STK32B: variants seen among roughly 807,000 people sequenced by gnomAD.
The protein encoded by STK32B is serine/threonine-protein kinase 32B.
STK32B carries 43 observed loss-of-function variants against 52.6 expected under a neutral mutation model. That is an observed-to-expected ratio of 0.82 (90% confidence interval 0.64 to 1.05). The LOEUF is 1.05. Among genes scored for constraint, STK32B ranks in the 50% least tolerant of loss-of-function variants. The pLI is 0.00. For missense variants in STK32B, 621 were observed against 534.6 expected (o/e 1.16, Z -1.59); for synonymous variants, 238 against 204.3 (o/e 1.17, Z -1.41).
intron 3 of STK32B, among the ~76,000 whole-genome samples, chr4:5,292,580 T>C (rs1728956134): frequency 1.3e-5 from 2 of 152,030 alleles, no homozygotes; most frequent in South Asian, 4.2e-4. Flanking sequence ...TTTTCTCCCA[T>C]TTTGTACATT....
chr4:5,178,471 A>G (rs894831060), intron 3 of STK32B, among the ~76,000 whole-genome samples: 7 of 151,774 alleles, frequency 4.6e-5, no homozygotes, highest in Admixed American at 1.3e-4. Context: ...CATTTTCCCC[A>G]TTGTCTTGGT....
At chr4:5,070,647 G>A (rs993136416) in intron 1 of STK32B, among the ~76,000 whole-genome samples, 4 of 152,164 alleles carry the variant, frequency 2.6e-5, no homozygotes, top group African/African-American at 7.2e-5. Flanking sequence ...TGGTGTCCTT[G>A]TGAAGAGGTG....
intron 3 of STK32B, among the ~76,000 whole-genome samples, chr4:5,182,920 T>G (rs529532462): frequency 6.6e-6 from 1 of 152,218 alleles, no homozygotes; most frequent in Non-Finnish European, 1.5e-5. Context: ...CAACAAGCAG[T>G]AATATTTTGA....
intron 3 of STK32B, among the ~76,000 whole-genome samples, chr4:5,300,611 T>A (rs1729492705): frequency 6.6e-6 from 1 of 152,178 alleles, no homozygotes; most frequent in Non-Finnish European, 1.5e-5. Context: ...AATGTAAATG[T>A]ACAAAAATCA....
At chr4:5,426,312 C>G (rs1219910658) in intron 6 of STK32B, among the ~76,000 whole-genome samples, 3 of 152,128 alleles carry the variant, frequency 2.0e-5, no homozygotes, top group Non-Finnish European at 4.4e-5. Context: ...TTGCAAATCC[C>G]TGGTAACTAA....
In STK32B at chr4:5,323,996, G is replaced by A. The variant is rs1043853043; in HGVS notation, c.261-7224G>A. On this transcript the variant is annotated intron_variant, in intron 3 of 11. Coordinates refer to ENST00000282908, the MANE Select transcript of STK32B (RefSeq NM_018401.3). ...CTGAACCTCATGGTCTTGAGCTATC[G>A]AAGGCAGTTTGTAATAACTCCTATC... 5.3e-5 allele frequency among the ~76,000 whole-genome samples: 8 copies of A among 152,162 alleles called. No homozygotes were observed. In the East Asian group the frequency reaches 1.2e-3, roughly 22 times the overall value.
intron 7 of STK32B, 62 bp downstream of exon 7, chr4:5,446,838 T>G (rs17464347): frequency 0.035 from 54,851 of 1,555,452 alleles, 1,216 homozygotes; most frequent in South Asian, 0.076. Context: ...ACGTTGTACC[T>G]GGACGGGCAG....
At chr4:5,139,445 T>C (rs1716271768) in intron 1 of STK32B, 1 of 163,946 alleles carries the variant, frequency 6.1e-6, no homozygotes, top group African/African-American at 2.4e-5. Context: ...ACAAAAGGCT[T>C]GACAGACTCT....
chr4:5,141,560 A>G (rs1716455176), intron 2 of STK32B, among the ~76,000 whole-genome samples: 1 of 152,158 alleles, frequency 6.6e-6, no homozygotes, highest in Non-Finnish European at 1.5e-5. Flanking sequence ...ATCTGTTTGT[A>G]GAAGTTCATA....
At chr4:5,083,740 A>AT (rs34158437) in intron 1 of STK32B, among the ~76,000 whole-genome samples, 54,456 of 144,182 alleles carry the variant, frequency 0.38, 10,958 homozygotes, top group Non-Finnish European at 0.47. Flanking sequence ...TCTGTTACCT[A>AT]TTTTTTTTTT....
At chr4:5,051,139 A>G (rs554887460), upstream of STK32B, among the ~76,000 whole-genome samples, 16 of 152,268 alleles carry the variant, frequency 1.1e-4, no homozygotes, top group South Asian at 2.9e-3. Flanking sequence ...GCTAGCGGGG[A>G]GTCCTGGGAC....
intron 2 of STK32B, among the ~76,000 whole-genome samples, chr4:5,151,644 C>G (rs1052790271): frequency 6.6e-6 from 1 of 152,170 alleles, no homozygotes; most frequent in Non-Finnish European, 1.5e-5. Flanking sequence ...TGACTAAATT[C>G]TGGGACAGTT....
chr4:5,219,676 T>C (rs1723401665), intron 3 of STK32B, among the ~76,000 whole-genome samples: 1 of 152,208 alleles, frequency 6.6e-6, no homozygotes, highest in African/African-American at 2.4e-5. Flanking sequence ...AAGTCCCTGT[T>C]AGGGCTGGAC....
chr4:5,299,592 T>G (rs1444967648), intron 3 of STK32B, among the ~76,000 whole-genome samples: 2 of 152,206 alleles, frequency 1.3e-5, no homozygotes, highest in African/African-American at 4.8e-5. Context: ...GTGGCTTTAT[T>G]TCTGATTTCC....
intron 3 of STK32B, among the ~76,000 whole-genome samples, chr4:5,169,194 C>T (rs1441939029): frequency 6.6e-6 from 1 of 152,108 alleles, no homozygotes; most frequent in East Asian, 1.9e-4. Flanking sequence ...TGACCTAATG[C>T]CATCTTTATC....
chr4:5,416,899 G>C lies in STK32B; in HGVS notation c.527G>C (p.Arg176Thr). 6.2e-7 allele frequency: 1 copy of C among 1,613,840 alleles called. No individual in the cohort carries two copies. Among genetic ancestry groups the C allele is most frequent in the Non-Finnish European group, 8.5e-7 (1 of 1,179,912 alleles). The change falls in exon 6 of 12, where the codon AGG becomes ACG. Residue 176 changes from arginine (R) to threonine (T), a missense_variant. Transcript: ENST00000282908. ...GCGACGGTAGTGAAAGGAGCAGAAA[G>C]GGCTTCCTCCATGGCTGGCACCAAG... Reference protein sequence around the residue: ...NIATVVKGAERASSMAGTKPY... With the variant: ...NIATVVKGAETASSMAGTKPY...
chr4:5,056,227 A>G (rs1285834443), intron 1 of STK32B, among the ~76,000 whole-genome samples: 1 of 152,152 alleles, frequency 6.6e-6, no homozygotes, highest in Non-Finnish European at 1.5e-5. Flanking sequence ...TCATCCTGAA[A>G]CTATCCTCCC....
Position 5,245,614 on chromosome 4 carries a change from T to G in STK32B, c.260+77164T>G, listed in dbSNP as rs574065391. On this transcript the variant is annotated intron_variant, in intron 3 of 11. Coordinates refer to ENST00000282908, the MANE Select transcript of STK32B (RefSeq NM_018401.3). ...TTATGTGTGAATTTGATCCTGTCATTATGATGTTAGCTGGTTATTTTGCTC... is the reference window on the plus strand; with the variant it reads ...TTATGTGTGAATTTGATCCTGTCATGATGATGTTAGCTGGTTATTTTGCTC... 1.2e-3 allele frequency among the ~76,000 whole-genome samples: 185 copies of G among 152,260 alleles called. 1 individual carries two copies. Among genetic ancestry groups the G allele is most frequent in the African/African-American group, 3.6e-3 (150 of 41,534 alleles).
chr4:5,217,416 A>G (rs999768951), intron 3 of STK32B, among the ~76,000 whole-genome samples: 1 of 152,190 alleles, frequency 6.6e-6, no homozygotes, highest in Non-Finnish European at 1.5e-5. Flanking sequence ...TAAAAATGAC[A>G]TTGACCACAG....
Sources: allele counts gnomAD v4.1 joint callset (sites outside exome capture counted in the v4.1 genomes callset), GRCh38; gene constraint gnomAD v4.1.1; transcripts MANE v1.5; gene names NCBI Gene and HGNC (gene_info 2026-07-23, HGNC 2026-07-21).